Variants in ANKRD44 observed in about 807,000 individuals in gnomAD.
ANKRD44 encodes the protein ankyrin repeat domain 44, also known as serine/threonine-protein phosphatase 6 regulatory ankyrin repeat subunit B.
A neutral mutation model predicts 116.0 loss-of-function variants in ANKRD44; 35 were observed. The observed-to-expected ratio is 0.30, with a 90% CI of 0.23 to 0.40. The LOEUF is 0.40. Ranked by LOEUF, ANKRD44 falls within the 10% of genes least tolerant of loss-of-function variation. ANKRD44 has a pLI of 1.00. For synonymous variants in ANKRD44, 435 were observed against 461.8 expected, an observed-to-expected ratio of 0.94 and a Z score of 0.74; for missense variants, 1,014 against 1,242.6, an observed-to-expected ratio of 0.82 and a Z score of 2.77.
intron 16 of ANKRD44, among the ~76,000 whole-genome samples, chr2:197,066,090 G>A (rs921033771): frequency 1.3e-5 from 2 of 152,076 alleles, no homozygotes; most frequent in Non-Finnish European, 2.9e-5. Flanking sequence ...GCTTATTCAC[G>A]ATGATCAAGT....
rs979565639 is a variant in ANKRD44, at chr2:196,988,081, A to G, written c.*1510T>C. 3.0e-6 allele frequency: 3 copies of G among 985,298 alleles called. No homozygotes were observed. The African/African-American group carries it at 5.2e-5, about 17-fold the overall frequency. 61.0% of individuals were successfully genotyped at this position (985,298 alleles called of 1,614,324 possible). On this transcript the variant is annotated 3_prime_UTR_variant, in exon 28 of 28. Transcript: ENST00000282272. The stretch of plus-strand genomic sequence containing the variant: ...CTTCTATGAGTAAGAGAGTGGGAAA[A>G]GTCAAAACGCAGCTCCATGGAGATA...
At chr2:197,239,487 C>A (rs1479489904) in intron 1 of ANKRD44, among the ~76,000 whole-genome samples, 2 of 152,184 alleles carry the variant, frequency 1.3e-5, no homozygotes, top group Non-Finnish European at 2.9e-5. Flanking sequence ...ACTTTGGCCT[C>A]CCAAAGTGCT....
chr2:197,087,651 A>G (rs1363475797), intron 12 of ANKRD44, among the ~76,000 whole-genome samples: 1 of 152,208 alleles, frequency 6.6e-6, no homozygotes, highest in Non-Finnish European at 1.5e-5. Context: ...CACCCTTTAT[A>G]GCCACCTTCT....
At chr2:197,138,352 T>C (rs114348588) in intron 3 of ANKRD44, among the ~76,000 whole-genome samples, 2 of 152,292 alleles carry the variant, frequency 1.3e-5, no homozygotes, top group East Asian at 1.9e-4. Flanking sequence ...AACCATCACC[T>C]AGAGACTGTA....
chr2:197,197,695 A>G (rs2080985337), intron 1 of ANKRD44, among the ~76,000 whole-genome samples: 1 of 151,876 alleles, frequency 6.6e-6, no homozygotes, highest in Non-Finnish European at 1.5e-5. Context: ...CTGTAGTCCC[A>G]GCGACTCGGG....
intron 1 of ANKRD44, among the ~76,000 whole-genome samples, chr2:197,273,983 ATATATATATATATATAT>A (rs2082993034): frequency 1.8e-4 from 5 of 28,246 alleles, no homozygotes; most frequent in African/African-American, 9.9e-4. Flanking sequence ...AAAAAAAAAT[ATATATATATATATATAT>A]ATATATATAT....
At chr2:197,031,142 T>C (rs113331823) in intron 16 of ANKRD44, among the ~76,000 whole-genome samples, 1 of 151,852 alleles carries the variant, frequency 6.6e-6, no homozygotes, top group African/African-American at 2.4e-5. Context: ...TTTAAAACCA[T>C]AAGTGTTGAA....
At chr2:197,116,945 C>T (rs761228755) in intron 8 of ANKRD44, among the ~76,000 whole-genome samples, 3 of 152,142 alleles carry the variant, frequency 2.0e-5, no homozygotes, top group Non-Finnish European at 2.9e-5. Context: ...TCAATAATAA[C>T]ATCTATTTTT....
intron 1 of ANKRD44, among the ~76,000 whole-genome samples, chr2:197,243,896 ACATTCAAAC>A (rs2082137895): frequency 6.6e-6 from 1 of 152,236 alleles, no homozygotes. Context: ...AAACATTCAA[ACATTCAAAC>A]CATAGCAAGG....
chr2:197,076,804 C>T (rs1245547657), intron 16 of ANKRD44, among the ~76,000 whole-genome samples: 2 of 151,926 alleles, frequency 1.3e-5, no homozygotes, highest in Non-Finnish European at 2.9e-5. Flanking sequence ...TGTCCTCCAG[C>T]TGTATCCATG....
Position 197,180,322 on chromosome 2 carries a change from C to T in ANKRD44, c.111+6701G>A, listed in dbSNP as rs534031822. Among the ~76,000 whole-genome samples, 8 of 152,242 alleles carry T rather than the reference C, an allele frequency of 5.3e-5. No individual in the cohort carries two copies. The East Asian group carries it at 9.6e-4, about 18-fold the overall frequency. On this transcript the variant is annotated intron_variant, in intron 2 of 27. Transcript: ENST00000282272. Reference sequence around the variant, plus strand: ...ACATTGTTAGGTCATCTTTTGGAACCGACATTTAACAATTTAGAGATTTCC... The same window carrying T: ...ACATTGTTAGGTCATCTTTTGGAACTGACATTTAACAATTTAGAGATTTCC...
rs76598385 is a variant in ANKRD44 at position 197,227,621 on chromosome 2, T to C, written c.28-40515A>G. On this transcript the variant is annotated intron_variant, in intron 1 of 27. Coordinates refer to ENST00000282272, the MANE Select transcript of ANKRD44 (RefSeq NM_001195144.2). Reference sequence around the variant, plus strand: ...TTTACCAAAAAAAACAAAAATCCTTTGGGGGCAAGAAGAAAAAGACAGCTG... The same window carrying C: ...TTTACCAAAAAAAACAAAAATCCTTCGGGGGCAAGAAGAAAAAGACAGCTG... 1.4e-4 allele frequency among the ~76,000 whole-genome samples: 21 copies of C among 151,630 alleles called. No individual in the cohort carries two copies. The East Asian group carries it at 4.0e-3, about 29-fold the overall frequency.
At chr2:197,269,288 AGATAGG>A (rs2082828526) in intron 1 of ANKRD44, among the ~76,000 whole-genome samples, 1 of 148,020 alleles carries the variant, frequency 6.8e-6, no homozygotes, top group Non-Finnish European at 1.5e-5. Context: ...TTGAATATGG[AGATAGG>A]AGCAGTAAGG....
At chr2:197,030,127 T>C (rs148232241) in intron 16 of ANKRD44, 2,732 of 153,596 alleles carry the variant, frequency 0.018, 33 homozygotes, top group Middle Eastern at 0.027. Context: ...CATGTGTTCA[T>C]CCACTGATTG....
intron 2 of ANKRD44, among the ~76,000 whole-genome samples, chr2:197,154,132 C>T (rs2079737260): frequency 6.6e-6 from 1 of 151,040 alleles, no homozygotes; most frequent in African/African-American, 2.4e-5. Flanking sequence ...ATTTTAGTTC[C>T]TTTTCCTAAC....
intron 21 of ANKRD44, among the ~76,000 whole-genome samples, chr2:196,978,231 G>A (rs1190052780): frequency 6.6e-6 from 1 of 152,004 alleles, no homozygotes; most frequent in East Asian, 1.9e-4. Flanking sequence ...GAGTTCACAG[G>A]AGACCTGCTT....
chr2:197,189,092 C>T (rs1326957470), intron 1 of ANKRD44, among the ~76,000 whole-genome samples: 1 of 152,168 alleles, frequency 6.6e-6, no homozygotes, highest in African/African-American at 2.4e-5. Flanking sequence ...CTCCTGTTGG[C>T]TTTCTTACAG....
intron 2 of ANKRD44, among the ~76,000 whole-genome samples, chr2:197,186,627 T>TTTTTTTTTTTTTTTTTTTTC (rs2080675791): frequency 1.1e-5 from 1 of 90,450 alleles, no homozygotes; most frequent in African/African-American, 1.2e-4. Flanking sequence ...TTTTTTTTTT[T>TTTTTTTTTTTTTTTTTTTTC]TTTTTTTTTT....
chr2:197,121,192 C>CT, intron 8 of ANKRD44, 140 bp downstream of exon 8: 1 of 819,190 alleles, frequency 1.2e-6, no homozygotes, highest in Non-Finnish European at 2.0e-6. Context: ...CTCCAGACAA[C>CT]TTTTCTTATA....
Sources: allele counts gnomAD v4.1 joint callset (sites outside exome capture counted in the v4.1 genomes callset), GRCh38; gene constraint gnomAD v4.1.1; transcripts MANE v1.5; gene names NCBI Gene and HGNC (gene_info 2026-07-23, HGNC 2026-07-21).